The following CDH12 variants were observed in gnomAD, a reference collection of about 807,000 sequenced individuals.
CDH12 encodes cadherin 12, also known as cadherin-12.
In CDH12, 41 loss-of-function variants were observed where a neutral mutation model predicts 74.1. The observed-to-expected ratio is 0.55, with a 90% confidence interval of 0.43 to 0.72. The LOEUF (loss-of-function observed/expected upper bound fraction) is 0.72. Among genes scored for constraint, CDH12 ranks in the 30% least tolerant of loss-of-function variants. The probability of loss-of-function intolerance (pLI) is 0.00; values close to 1 mark genes in which losing one functional copy is unlikely to be tolerated. For missense variants in CDH12, 945 were observed against 977.2 expected, an observed-to-expected ratio of 0.97 and a Z score of 0.44; for synonymous variants, 399 against 355.0, an observed-to-expected ratio of 1.12 and a Z score of -1.39.
intron 6 of CDH12, among the ~76,000 whole-genome samples, chr5:21,873,764 A>G (rs939035395): frequency 2.0e-5 from 3 of 152,014 alleles, no homozygotes; most frequent in African/African-American, 7.2e-5. Context: ...TGCATTAGCT[A>G]TTTTTCCAGA....
At position 22,313,272 on chromosome 5, in the gene CDH12, C is replaced by T. The variant is rs569602579; in HGVS notation, c.-333+91985G>A. The stretch of plus-strand genomic sequence containing the variant: ...CAAGATGATAAATTCTGAAGGTAGA[C>T]TTTGAGAAGAGAGAAAGTGCCATGT... On this transcript the variant is annotated intron_variant, in intron 3 of 14. Coordinates refer to ENST00000382254, the MANE Select transcript of CDH12 (RefSeq NM_004061.5). 7.9e-5 allele frequency among the ~76,000 whole-genome samples: 12 copies of T among 152,038 alleles called. No homozygotes were observed. In the East Asian group the frequency reaches 1.2e-3, roughly 15 times the overall value.
chr5:21,866,547 G>A (rs1231624505), intron 6 of CDH12, among the ~76,000 whole-genome samples: 1 of 152,166 alleles, frequency 6.6e-6, no homozygotes, highest in Admixed American at 6.5e-5. Flanking sequence ...GAGATTTGTG[G>A]AGCTTGAACT....
At chr5:22,633,365 C>A (rs551811949) in intron 1 of CDH12, among the ~76,000 whole-genome samples, 1 of 152,218 alleles carries the variant, frequency 6.6e-6, no homozygotes, top group Non-Finnish European at 1.5e-5. Context: ...ATCTTTTCTT[C>A]TCATATTATT....
At chr5:22,188,932 C>T (rs982874586) in intron 4 of CDH12, among the ~76,000 whole-genome samples, 9 of 152,166 alleles carry the variant, frequency 5.9e-5, no homozygotes, top group African/African-American at 2.2e-4. Flanking sequence ...AAGCAATTTG[C>T]TCAGTAGCAG....
chr5:22,589,855 AT>A (rs1008214617), intron 1 of CDH12, among the ~76,000 whole-genome samples: 2 of 151,258 alleles, frequency 1.3e-5, no homozygotes, highest in African/African-American at 4.9e-5. Flanking sequence ...ATTACCTATC[AT>A]TTTTTTGTAA....
intron 2 of CDH12, among the ~76,000 whole-genome samples, chr5:22,417,574 C>A (rs1459988393): frequency 6.6e-6 from 1 of 152,204 alleles, no homozygotes; most frequent in East Asian, 1.9e-4. Context: ...AATGCATCTT[C>A]ATTCTTACAA....
chr5:22,686,289 C>T (rs1309826194), intron 1 of CDH12, among the ~76,000 whole-genome samples: 2 of 151,844 alleles, frequency 1.3e-5, no homozygotes, highest in Admixed American at 1.3e-4. Context: ...TGTCCTTTAT[C>T]ATGTATTTGA....
At chr5:22,547,292 A>G (rs1738376265) in intron 1 of CDH12, among the ~76,000 whole-genome samples, 1 of 152,162 alleles carries the variant, frequency 6.6e-6, no homozygotes, top group Non-Finnish European at 1.5e-5. Flanking sequence ...AATTACATGT[A>G]TGTTTCAGAG....
At chr5:22,340,615 T>A (rs1251895027) in intron 3 of CDH12, among the ~76,000 whole-genome samples, 4 of 152,216 alleles carry the variant, frequency 2.6e-5, no homozygotes, top group Non-Finnish European at 5.9e-5. Flanking sequence ...TTGGAATTAG[T>A]CACTCATTTC....
intron 1 of CDH12, among the ~76,000 whole-genome samples, chr5:22,656,950 C>T (rs1271586093): frequency 1.3e-5 from 2 of 152,168 alleles, no homozygotes; most frequent in East Asian, 3.9e-4. Context: ...GATCCTCCTG[C>T]CTCAGCCTCC....
chr5:21,849,166 G>T (rs569877901), intron 7 of CDH12, among the ~76,000 whole-genome samples: 1 of 151,860 alleles, frequency 6.6e-6, no homozygotes, highest in South Asian at 2.1e-4. Flanking sequence ...CTCACACTAT[G>T]TATTGATAGC....
In CDH12 at chr5:22,557,491, T is replaced by C. The variant is rs1193391852; in HGVS notation, c.-522-52127A>G. Among the ~76,000 whole-genome samples the C allele has an allele frequency of 2.6e-5, 4 of 151,940 alleles. No homozygotes were observed. The East Asian group carries it at 7.7e-4, about 29-fold the overall frequency. On this transcript the variant is annotated intron_variant, in intron 1 of 14. Transcript: ENST00000382254. ...GCAATTCTGGCAAAGATAATGTGCA[T>C]TGGAAGTGATCTATAAACCAACAGA...
chr5:22,358,275 G>A (rs1052496592), intron 3 of CDH12, among the ~76,000 whole-genome samples: 2 of 151,788 alleles, frequency 1.3e-5, no homozygotes, highest in African/African-American at 4.8e-5. Context: ...TGGGTGTGGT[G>A]GCAGAAACCT....
intron 2 of CDH12, among the ~76,000 whole-genome samples, chr5:22,405,824 C>G (rs2126459690): frequency 6.6e-6 from 1 of 152,186 alleles, no homozygotes; most frequent in East Asian, 1.9e-4. Context: ...CTACAGATAC[C>G]AAGATTCACA....
intron 4 of CDH12, among the ~76,000 whole-genome samples, chr5:22,174,853 A>G (rs558202791): frequency 1.6e-4 from 24 of 152,092 alleles, no homozygotes; most frequent in African/African-American, 5.5e-4. Context: ...AAAGCTATAA[A>G]TTTTAAAGAA....
At chr5:22,506,006 C>G (rs1163805759) in intron 1 of CDH12, among the ~76,000 whole-genome samples, 2 of 152,000 alleles carry the variant, frequency 1.3e-5, no homozygotes, top group Non-Finnish European at 2.9e-5. Context: ...TGAGACAGAT[C>G]TTGGTCAGCC....
At chr5:22,475,617 A>G (rs1005762916) in intron 2 of CDH12, among the ~76,000 whole-genome samples, 1 of 152,066 alleles carries the variant, frequency 6.6e-6, no homozygotes, top group African/African-American at 2.4e-5. Context: ...ATTACATTAT[A>G]TAAAAGTAAA....
intron 9 of CDH12, among the ~76,000 whole-genome samples, chr5:21,808,863 G>A (rs904916181): frequency 1.3e-5 from 2 of 152,024 alleles, no homozygotes; most frequent in African/African-American, 4.8e-5. Context: ...TATATCAGGT[G>A]AGAATGTCCC....
chr5:22,691,819 A>G (rs897686102), intron 1 of CDH12, among the ~76,000 whole-genome samples: 1 of 152,184 alleles, frequency 6.6e-6, no homozygotes, highest in Non-Finnish European at 1.5e-5. Context: ...TACACACTGT[A>G]AATGTTCATT....
Sources: gnomAD v4.1 joint callset for allele counts (sites outside exome capture counted in the v4.1 genomes callset) on GRCh38, gnomAD v4.1.1 for gene constraint, MANE v1.5 for transcripts, NCBI Gene and HGNC (gene_info 2026-07-23, HGNC 2026-07-21) for gene names.